SMURF1: variants seen among roughly 807,000 people sequenced by gnomAD.
The protein encoded by SMURF1 is E3 ubiquitin-protein ligase SMURF1.
Under a neutral mutation model 98.0 loss-of-function variants are expected in SMURF1, and 44 were observed. That is an observed-to-expected ratio of 0.45 (90% CI 0.35 to 0.58). The LOEUF is 0.58. SMURF1 is among the 20% of genes least tolerant of loss of function. The probability of loss-of-function intolerance (pLI) is 0.00; values close to 1 mark genes in which losing one functional copy is unlikely to be tolerated. For synonymous variants in SMURF1, 396 were observed against 374.9 expected, an observed-to-expected ratio of 1.06 and a Z score of -0.65; for missense variants, 687 against 938.4, an observed-to-expected ratio of 0.73 and a Z score of 3.50.
intron 1 of SMURF1, among the ~76,000 whole-genome samples, chr7:99,119,266 C>T (rs73709553): frequency 6.6e-6 from 1 of 152,144 alleles, no homozygotes; most frequent in African/African-American, 2.4e-5. Context: ...GGGAAGAGAA[C>T]TTGAAGGCAA....
intron 13 of SMURF1, among the ~76,000 whole-genome samples, chr7:99,039,934 C>G (rs1159989509): frequency 6.6e-6 from 1 of 152,106 alleles, no homozygotes; most frequent in African/African-American, 2.4e-5. Context: ...TTGCTTGGCC[C>G]CTGTGTAGGT....
At chr7:99,044,812 A>G (rs1433608842) in intron 11 of SMURF1, among the ~76,000 whole-genome samples, 1 of 152,212 alleles carries the variant, frequency 6.6e-6, no homozygotes, top group Admixed American at 6.5e-5. Flanking sequence ...CAAGATACCT[A>G]TTCAAAGAAA....
chr7:99,133,627 C>A (rs1433516055), intron 1 of SMURF1, among the ~76,000 whole-genome samples: 1 of 152,132 alleles, frequency 6.6e-6, no homozygotes, highest in Admixed American at 6.5e-5. Flanking sequence ...GAACATATGC[C>A]TATTCCACAG....
intron 3 of SMURF1, 122 bp from the exon 4 acceptor site, chr7:99,057,673 C>T: frequency 8.7e-7 from 1 of 1,154,412 alleles, no homozygotes; most frequent in Non-Finnish European, 1.1e-6. Flanking sequence ...TGTGTGATCT[C>T]AGCTCACTGC....
At position 99,027,931 on chromosome 7, in the gene SMURF1, T is replaced by G. The variant is rs1794748300; in HGVS notation, c.*2653A>C. Reference sequence around the variant, plus strand: ...GGTCGAAATTCGATCTGGTGGCAGATTCTCTTTTCAGAACTTGAGAGAGCC... The same window carrying G: ...GGTCGAAATTCGATCTGGTGGCAGAGTCTCTTTTCAGAACTTGAGAGAGCC... On this transcript the variant is annotated 3_prime_UTR_variant, in exon 18 of 18. Transcript: ENST00000361368. 1 of 152,604 alleles carries G rather than the reference T, an allele frequency of 6.6e-6. No individual in the cohort carries two copies. Among genetic ancestry groups the G allele is most frequent in the Admixed American group, 6.5e-5 (1 of 15,276 alleles). The allele number at this position is 152,604 out of a possible 1,614,324, so 9.5% of individuals were successfully genotyped here.
chr7:99,078,874 A>G (rs1796520460), intron 1 of SMURF1, among the ~76,000 whole-genome samples: 1 of 152,250 alleles, frequency 6.6e-6, no homozygotes, highest in Non-Finnish European at 1.5e-5. Context: ...ATAATAATAG[A>G]AATAAAGTGC....
intron 5 of SMURF1, 71 bp from the exon 6 acceptor site, chr7:99,054,936 G>A (rs1268039047): frequency 1.5e-6 from 2 of 1,351,226 alleles, no homozygotes. Context: ...GTGAGTCATT[G>A]CTAATTTAGA....
At chr7:99,041,403 A>G (rs559145549) in intron 12 of SMURF1, among the ~76,000 whole-genome samples, 5 of 152,076 alleles carry the variant, frequency 3.3e-5, no homozygotes, top group African/African-American at 9.7e-5. Context: ...CTCTCTCTCA[A>G]AAAAAAGAAA....
At chr7:99,079,885 TGA>T (rs1796544256) in intron 1 of SMURF1, among the ~76,000 whole-genome samples, 1 of 150,722 alleles carries the variant, frequency 6.6e-6, no homozygotes, top group Non-Finnish European at 1.5e-5. Flanking sequence ...AACTCAAGGA[TGA>T]ATAAATAAAG....
At chr7:99,077,803 G>A (rs1476631155) in intron 1 of SMURF1, among the ~76,000 whole-genome samples, 4 of 152,098 alleles carry the variant, frequency 2.6e-5, no homozygotes, top group Admixed American at 2.6e-4. Context: ...AGAAGACAGG[G>A]ACAAATCAAA....
intron 1 of SMURF1, among the ~76,000 whole-genome samples, chr7:99,104,481 A>T (rs1471664859): frequency 1.3e-5 from 2 of 152,130 alleles, no homozygotes; most frequent in African/African-American, 4.8e-5. Flanking sequence ...AACCCACGTG[A>T]TCTTGGGCAA....
chr7:99,047,684 C>T lies in SMURF1; in HGVS notation c.1152G>A (p.Glu384=). ...TGGGCAGTGGCCCTGAACTCTCTAC[C>T]TCAAAGATTTCTTCTCTGGACACTT... ...RIEVSREEIF[E]ESYRQIMKMR... is the part of the protein sequence containing the mutation. The change falls in exon 10 of 18, where the codon GAG becomes GAA. Residue 384 remains glutamate (E), a splice_region_variant and synonymous_variant. Coordinates refer to ENST00000361368, the MANE Select transcript of SMURF1 (RefSeq NM_181349.3). 6.2e-7 allele frequency: 1 copy of T among 1,614,230 alleles called. No individual in the cohort carries two copies. Among genetic ancestry groups the T allele is most frequent in the Non-Finnish European group, 8.5e-7 (1 of 1,180,038 alleles).
At position 99,081,939 on chromosome 7, in the gene SMURF1, C is replaced by T. The variant is rs542975527; in HGVS notation, c.56-20102G>A. ...AAGTGCTGGGATTACAGGCATGAGC[C>T]ACCACACCTGGCCTGATCGCATTTT... On this transcript the variant is annotated intron_variant, in intron 1 of 17. Coordinates refer to ENST00000361368, the MANE Select transcript of SMURF1 (RefSeq NM_181349.3). Among the ~76,000 whole-genome samples the T allele has an allele frequency of 2.0e-5, 3 of 152,348 alleles. No individual in the cohort carries two copies. In the South Asian group the frequency reaches 6.2e-4, roughly 32 times the overall value.
At chr7:99,054,305 T>C (rs959224791) in intron 6 of SMURF1, among the ~76,000 whole-genome samples, 1 of 151,724 alleles carries the variant, frequency 6.6e-6, no homozygotes, top group Admixed American at 6.6e-5. Flanking sequence ...ACAACCCCAG[T>C]TGTTTGTTTG....
At chr7:99,110,646 A>G (rs1797296966) in intron 1 of SMURF1, among the ~76,000 whole-genome samples, 1 of 152,230 alleles carries the variant, frequency 6.6e-6, no homozygotes, top group South Asian at 2.1e-4. Context: ...TACAACACCT[A>G]CGTAGGGAAG....
At chr7:99,070,950 T>C (rs1796302146) in intron 1 of SMURF1, among the ~76,000 whole-genome samples, 1 of 152,108 alleles carries the variant, frequency 6.6e-6, no homozygotes, top group Non-Finnish European at 1.5e-5. Context: ...AAATAAAATA[T>C]ATATATATAT....
rs138528404 is a variant in SMURF1, at chr7:99,076,304, C to G, written c.56-14467G>C. On this transcript the variant is annotated intron_variant, in intron 1 of 17. Transcript: ENST00000361368. ...GTAACTTTACAGTGGAGAAACCTGA[C>G]GAACACCATCTCAGCCAGGTGATCA... Among the ~76,000 whole-genome samples, 1,002 of 152,326 alleles carry G rather than the reference C, an allele frequency of 6.6e-3. 21 individuals are homozygous for G. Among genetic ancestry groups the G allele is most frequent in the African/African-American group, 0.023 (946 of 41,560 alleles).
In SMURF1 at chr7:99,042,161, T is replaced by C. The variant is rs757455848; in HGVS notation, c.1328A>G (p.Asn443Ser). ...YYGLFQYSTD[N>S]IYMLQINPDS... Reference sequence around the variant, plus strand: ...CGGATTTATTTGCAACATGTAAATATTGTCCGTAGAATACTGGAAGAGCCC... The same window carrying C: ...CGGATTTATTTGCAACATGTAAATACTGTCCGTAGAATACTGGAAGAGCCC... Residue 443 changes from asparagine (N) to serine (S), a missense_variant, in exon 12 of 18, where the codon AAT (asparagine) becomes AGT (serine). This residue lies in a region of SMURF1 where 272 missense variants were observed against 430.0 expected (regional missense o/e 0.63). Transcript: ENST00000361368. The C allele has an allele frequency of 5.0e-6, 8 of 1,614,170 alleles. No homozygotes were observed. The Admixed American group carries it at 6.7e-5, about 13-fold the overall frequency.
At chr7:99,040,205 C>G (rs1415237558) in intron 13 of SMURF1, among the ~76,000 whole-genome samples, 173 bp downstream of exon 13, 14 of 149,274 alleles carry the variant, frequency 9.4e-5, no homozygotes. Flanking sequence ...CTGAATTGAT[C>G]TGCCCGCCTC....
Sources: gnomAD v4.1 joint callset for allele counts (sites outside exome capture counted in the v4.1 genomes callset) on GRCh38, gnomAD v4.1.1 for gene constraint, gnomAD v4.1.1 regional missense constraint, MANE v1.5 for transcripts, NCBI Gene and HGNC (gene_info 2026-07-23, HGNC 2026-07-21) for gene names.